Variants in DGKB observed in about 807,000 individuals in gnomAD.
The protein encoded by DGKB is 90 kDa diacylglycerol kinase.
In DGKB, 67 loss-of-function variants were observed where a neutral mutation model predicts 114.3. The observed-to-expected ratio is 0.59, with a 90% confidence interval of 0.48 to 0.72. The LOEUF is 0.72. Ranked by LOEUF, DGKB falls within the 30% of genes least tolerant of loss-of-function variation. DGKB has a pLI of 0.00. For synonymous variants in DGKB, 398 were observed against 323.1 expected (o/e 1.23, Z -2.49); for missense variants, 907 against 975.2 (o/e 0.93, Z 0.93).
chr7:14,422,088 A>T (rs904837764), intron 21 of DGKB, among the ~76,000 whole-genome samples: 2 of 152,040 alleles, frequency 1.3e-5, no homozygotes, highest in Non-Finnish European at 2.9e-5. Flanking sequence ...TGCACTTGTG[A>T]CAACTAATCT....
intron 2 of DGKB, among the ~76,000 whole-genome samples, chr7:14,761,558 G>A (rs1171089539): frequency 6.6e-6 from 1 of 152,178 alleles, no homozygotes; most frequent in South Asian, 2.1e-4. Context: ...AGAGGGGAAA[G>A]GATCTATAAC....
At chr7:14,298,111 G>C (rs1036025810) in intron 23 of DGKB, among the ~76,000 whole-genome samples, 1 of 152,160 alleles carries the variant, frequency 6.6e-6, no homozygotes, top group Admixed American at 6.5e-5. Context: ...AATCAATATT[G>C]TGAAAATGGC....
chr7:14,841,224 C>G lies in DGKB; in HGVS notation c.40G>C (p.Glu14Gln). ...GCATATTTCTGAAGTTGGGAAAATT[C>G]CGAAGGGCTGAGGTGGGCCCATTTT... is the stretch of plus-strand genomic sequence containing the variant. ...QEKWAHLSPSEFSQLQKYAEY... is the reference protein window; with the variant it reads ...QEKWAHLSPSQFSQLQKYAEY... Residue 14 changes from glutamate (E) to glutamine (Q), a missense_variant, in exon 2 of 26, where the codon GAA becomes CAA. This residue lies in a region of DGKB where 814 missense variants were observed against 856.6 expected (regional missense o/e 0.95). Transcript: ENST00000402815. The G allele has an allele frequency of 6.2e-7, 1 of 1,613,392 alleles. No homozygotes were observed. Among genetic ancestry groups the G allele is most frequent in the East Asian group, 2.2e-5 (1 of 44,858 alleles).
chr7:14,615,898 C>A (rs1484247493), intron 15 of DGKB, among the ~76,000 whole-genome samples: 5 of 151,556 alleles, frequency 3.3e-5, no homozygotes, highest in African/African-American at 1.2e-4. Flanking sequence ...TATTGCAATG[C>A]AAAACATGTC....
chr7:14,817,435 A>T lies in DGKB; in HGVS notation c.70+23759T>A, dbSNP rs535180780. 6.6e-5 allele frequency among the ~76,000 whole-genome samples: 10 copies of T among 152,314 alleles called. No individual in the cohort carries two copies. In the East Asian group the frequency reaches 1.9e-3, roughly 29 times the overall value. On this transcript the variant is annotated intron_variant, in intron 2 of 25. Transcript: ENST00000402815. ...CTAGCCAGATGCTATGATATTTTTT[A>T]AAAAATCAAACAAAACCAAATAGAA...
intron 17 of DGKB, among the ~76,000 whole-genome samples, chr7:14,595,694 A>G (rs1167455641): frequency 6.6e-6 from 1 of 151,816 alleles, no homozygotes; most frequent in African/African-American, 2.4e-5. Flanking sequence ...TAGGATTTCA[A>G]ATAACATAGT....
At chr7:14,235,313 A>C (rs1792592785) in intron 23 of DGKB, among the ~76,000 whole-genome samples, 2 of 152,116 alleles carry the variant, frequency 1.3e-5, no homozygotes, top group Non-Finnish European at 1.5e-5. Context: ...GGAAAAATAC[A>C]AGAATGGAAT....
intron 23 of DGKB, among the ~76,000 whole-genome samples, chr7:14,244,669 C>CAAAA (rs34364672): frequency 1.1e-4 from 5 of 46,390 alleles, no homozygotes; most frequent in African/African-American, 1.7e-4. Flanking sequence ...GACTCTGTCT[C>CAAAA]AAAAAAAAAA....
chr7:14,928,839 C>G, intron 1 of DGKB, among the ~76,000 whole-genome samples: 1 of 151,930 alleles, frequency 6.6e-6, no homozygotes, highest in South Asian at 2.1e-4. Flanking sequence ...CTCCCTCATC[C>G]ATCTGAGTCT....
chr7:14,813,036 A>G (rs974177571), intron 2 of DGKB, among the ~76,000 whole-genome samples: 3 of 152,216 alleles, frequency 2.0e-5, no homozygotes, highest in African/African-American at 4.8e-5. Flanking sequence ...CGATCTAAAA[A>G]TAGGAGAGCA....
At chr7:14,436,402 G>A (rs1048637916) in intron 21 of DGKB, among the ~76,000 whole-genome samples, 4 of 152,030 alleles carry the variant, frequency 2.6e-5, no homozygotes, top group Non-Finnish European at 4.4e-5. Flanking sequence ...GACTTTGATT[G>A]ACTTGCCAAC....
chr7:14,289,474 TA>T (rs926150212), intron 23 of DGKB, among the ~76,000 whole-genome samples: 21 of 152,308 alleles, frequency 1.4e-4, no homozygotes, highest in African/African-American at 5.1e-4. Context: ...AAATCTTGTT[TA>T]AAAAATAAGC....
At chr7:14,798,016 T>C (rs1056245362) in intron 2 of DGKB, among the ~76,000 whole-genome samples, 1 of 152,170 alleles carries the variant, frequency 6.6e-6, no homozygotes, top group African/African-American at 2.4e-5. Flanking sequence ...ATCAGGTTGC[T>C]GTCTGTGAGG....
intron 1 of DGKB, among the ~76,000 whole-genome samples, chr7:14,956,858 T>C (rs893801085): frequency 2.6e-5 from 4 of 151,882 alleles, no homozygotes; most frequent in Admixed American, 6.6e-5. Context: ...GTTTCAATTT[T>C]TTTTTTTAAG....
At chr7:14,647,630 T>TG (rs60368272) in intron 13 of DGKB, among the ~76,000 whole-genome samples, 13 of 151,582 alleles carry the variant, frequency 8.6e-5, no homozygotes, top group African/African-American at 1.9e-4. Flanking sequence ...AGATAATTCA[T>TG]GGGGGAGGAG....
At chr7:14,374,681 C>T (rs539914767) in intron 21 of DGKB, among the ~76,000 whole-genome samples, 2 of 152,312 alleles carry the variant, frequency 1.3e-5, no homozygotes, top group East Asian at 3.9e-4. Context: ...TCTCCTGTTT[C>T]TCTTATGAAA....
intron 21 of DGKB, among the ~76,000 whole-genome samples, chr7:14,365,005 A>G (rs1816417152): frequency 6.6e-6 from 1 of 151,954 alleles, no homozygotes; most frequent in South Asian, 2.1e-4. Context: ...TGTAAACATC[A>G]AATCTCTACT....
chr7:14,953,850 G>C (rs572382959), intron 1 of DGKB, among the ~76,000 whole-genome samples: 1 of 152,082 alleles, frequency 6.6e-6, no homozygotes, highest in Non-Finnish European at 1.5e-5. Flanking sequence ...CACAGCAAAG[G>C]CTAAGAAGTG....
chr7:14,715,651 G>A (rs922754021), intron 6 of DGKB, among the ~76,000 whole-genome samples: 3 of 152,102 alleles, frequency 2.0e-5, no homozygotes, highest in East Asian at 1.9e-4. Flanking sequence ...TTGCATAAAG[G>A]AAATAAAGCT....
Sources: gnomAD v4.1 joint callset for allele counts (sites outside exome capture counted in the v4.1 genomes callset) on GRCh38, gnomAD v4.1.1 for gene constraint, gnomAD v4.1.1 regional missense constraint, MANE v1.5 for transcripts, NCBI Gene and HGNC (gene_info 2026-07-23, HGNC 2026-07-21) for gene names.